The following POU2F2 variants were observed in gnomAD, a reference collection of about 807,000 sequenced individuals.
POU2F2 encodes POU class 2 homeobox 2, also known as POU domain, class 2, transcription factor 2.
POU2F2 carries 14 observed loss-of-function variants against 63.5 expected under a neutral mutation model. The observed-to-expected ratio is 0.22, with a 90% CI of 0.15 to 0.34. The LOEUF (loss-of-function observed/expected upper bound fraction) is 0.34, where lower values mean the gene tolerates loss of function less well. Among genes scored for constraint, POU2F2 ranks in the 10% least tolerant of loss-of-function variants. POU2F2 has a pLI of 1.00. For synonymous variants in POU2F2, 306 were observed against 348.6 expected (o/e 0.88, Z 1.36); for missense variants, 607 against 815.2 (o/e 0.74, Z 3.11).
At chr19:42,098,011 G>T (rs974393905) in intron 7 of POU2F2, among the ~76,000 whole-genome samples, 6 of 152,112 alleles carry the variant, frequency 3.9e-5, no homozygotes, top group Admixed American at 6.5e-5. Context: ...TTGCTATGTT[G>T]CCCAGGCTGG....
At chr19:42,131,363 G>A (rs1157872040) in intron 1 of POU2F2, among the ~76,000 whole-genome samples, 1 of 152,088 alleles carries the variant, frequency 6.6e-6, no homozygotes, top group African/African-American at 2.4e-5. Context: ...ACACACGGGT[G>A]CCCGCACACA....
At chr19:42,135,078 T>C (rs2033976266), upstream of POU2F2, among the ~76,000 whole-genome samples, 1 of 152,014 alleles carries the variant, frequency 6.6e-6, no homozygotes, top group Non-Finnish European at 1.5e-5. Context: ...TCTCTGAATG[T>C]CTGCTGCTTT....
intron 2 of POU2F2, among the ~76,000 whole-genome samples, chr19:42,151,746 C>A (rs935642579): frequency 2.0e-5 from 3 of 152,182 alleles, no homozygotes; most frequent in East Asian, 1.9e-4. Context: ...TGCCCTCCCC[C>A]ACCCAGGTCA....
Position 42,095,069 on chromosome 19 carries a change from C to T in POU2F2, c.1197+217G>A, listed in dbSNP as rs988617703. On this transcript the variant is annotated intron_variant, in intron 11 of 14. Transcript: ENST00000692977. This position sits in a 1 kb window ranked among gnomAD's most constrained non-coding sequence, Gnocchi z 7.1. Reference sequence around the variant, plus strand: ...GTGATAACTCTGTGTCTGGCTATGTCGGTGTGTATCTAGGGGTGCTTGTAT... The same window carrying T: ...GTGATAACTCTGTGTCTGGCTATGTTGGTGTGTATCTAGGGGTGCTTGTAT... Among the ~76,000 whole-genome samples the T allele has an allele frequency of 6.6e-6, 1 of 152,142 alleles. No homozygotes were observed. Among genetic ancestry groups the T allele is most frequent in the Non-Finnish European group, 1.5e-5 (1 of 68,016 alleles).
chr19:42,102,662 A>G (rs1427457489), intron 5 of POU2F2, among the ~76,000 whole-genome samples: 2 of 151,824 alleles, frequency 1.3e-5, no homozygotes, highest in Non-Finnish European at 1.5e-5. Context: ...AAAAGGGGGG[A>G]TGAGGTAGGG....
At chr19:42,099,894 A>G in intron 5 of POU2F2, 73 bp from the exon 6 acceptor site, 1 of 1,247,194 alleles carries the variant, frequency 8.0e-7, no homozygotes, top group Non-Finnish European at 1.1e-6. Context: ...CATCACCTGA[A>G]CCTTGAGGGG....
intron 1 of POU2F2, among the ~76,000 whole-genome samples, chr19:42,167,114 T>A (rs558765080): frequency 6.6e-6 from 1 of 152,096 alleles, no homozygotes; most frequent in African/African-American, 2.4e-5. Context: ...AGAAAATATA[T>A]TTAAGACCTA....
intron 1 of POU2F2, among the ~76,000 whole-genome samples, chr19:42,171,431 C>CGT (rs71336804): frequency 0.068 from 9,480 of 138,436 alleles, 318 homozygotes; most frequent in African/African-American, 0.099. Flanking sequence ...GGCTGCGCTT[C>CGT]GTGTGTGTGT....
At chr19:42,098,698 C>T (rs2077016016) in intron 7 of POU2F2, among the ~76,000 whole-genome samples, 1 of 152,142 alleles carries the variant, frequency 6.6e-6, no homozygotes, top group African/African-American at 2.4e-5. Flanking sequence ...GCAGTTAAGA[C>T]CTGTATTAGT....
At chr19:42,146,262 C>A (rs187135313) in intron 2 of POU2F2, among the ~76,000 whole-genome samples, 15 of 152,252 alleles carry the variant, frequency 9.9e-5, no homozygotes, top group African/African-American at 7.2e-5. Context: ...CCCAGGAAAC[C>A]GGACTCCAAA....
intron 5 of POU2F2, among the ~76,000 whole-genome samples, chr19:42,111,160 T>C (rs1384442840): frequency 6.6e-6 from 1 of 152,138 alleles, no homozygotes; most frequent in Non-Finnish European, 1.5e-5. Context: ...CTCTATCTTC[T>C]GGGCTGGAGT....
At chr19:42,187,665 G>C (rs1043227706) in intron 1 of POU2F2, among the ~76,000 whole-genome samples, 1 of 150,980 alleles carries the variant, frequency 6.6e-6, no homozygotes, top group Admixed American at 6.6e-5. Context: ...GGGAGGCTGA[G>C]GTAGGGAGAA....
intron 1 of POU2F2, 102 bp from the exon 2 acceptor site, chr19:42,122,678 C>T: frequency 9.3e-7 from 1 of 1,078,632 alleles, no homozygotes; most frequent in Non-Finnish European, 1.3e-6. Context: ...CCCCAAATTC[C>T]CCCCTTACCC....
At chr19:42,174,431 C>A (rs1300925784) in intron 1 of POU2F2, among the ~76,000 whole-genome samples, 1 of 152,196 alleles carries the variant, frequency 6.6e-6, no homozygotes, top group Non-Finnish European at 1.5e-5. Context: ...GGCTTCCACG[C>A]ACAGAGCCAA....
chr19:42,098,982 C>T lies in POU2F2; in HGVS notation c.567+545G>A, dbSNP rs561107139. ...AGCCACCACGTAGACACAGGTACAG[C>T]CCTGCCAGATTTTCTGGTTTATCAA... is the stretch of plus-strand genomic sequence containing the variant. On this transcript the variant is annotated intron_variant, in intron 7 of 14. Coordinates refer to ENST00000692977, the MANE Select transcript of POU2F2 (RefSeq NM_001394376.1). Among the ~76,000 whole-genome samples the T allele has an allele frequency of 1.2e-4, 18 of 152,326 alleles. No individual in the cohort carries two copies. In the East Asian group the frequency reaches 3.5e-3, roughly 29 times the overall value.
chr19:42,088,172 C>A lies in POU2F2; in HGVS notation c.*3085G>T, dbSNP rs955086497. ...AGACCTGGGGCTCACCTGCCCCTCC[C>A]TCCCTCCTACCCCCTTCCCAATATT... On this transcript the variant is annotated 3_prime_UTR_variant, in exon 15 of 15. Transcript: ENST00000692977. 6.6e-6 allele frequency: 1 copy of A among 152,264 alleles called. No individual in the cohort carries two copies. Among genetic ancestry groups the A allele is most frequent in the African/African-American group, 2.4e-5 (1 of 41,472 alleles). The allele number at this position is 152,264 out of a possible 1,614,324, so 9.4% of individuals were successfully genotyped here.
upstream of POU2F2, among the ~76,000 whole-genome samples, chr19:42,180,283 T>A (rs1226402392): frequency 6.6e-6 from 1 of 152,126 alleles, no homozygotes; most frequent in Non-Finnish European, 1.5e-5. Context: ...CAGGTTCTGG[T>A]GATCCACAAA....
chr19:42,192,495 T>A (rs2146828115), intron 1 of POU2F2, among the ~76,000 whole-genome samples: 1 of 152,328 alleles, frequency 6.6e-6, no homozygotes, highest in Non-Finnish European at 1.5e-5. Context: ...TAAATGCTTG[T>A]TGAATGACTT....
At chr19:42,157,211 C>G (rs2034473396) in intron 2 of POU2F2, 2 of 152,346 alleles carry the variant, frequency 1.3e-5, no homozygotes, top group African/African-American at 4.8e-5. Context: ...AGTCCACACC[C>G]CTTCCCATCC....
Sources: allele counts gnomAD v4.1 joint callset (sites outside exome capture counted in the v4.1 genomes callset), GRCh38; gene constraint gnomAD v4.1.1; non-coding constraint Gnocchi (gnomAD v3.1); transcripts MANE v1.5; gene names NCBI Gene and HGNC (gene_info 2026-07-23, HGNC 2026-07-21).